Variants in NUP62CL observed in about 807,000 individuals in gnomAD.
NUP62CL encodes the protein nucleoporin 62 C-terminal like, also known as nucleoporin-62 C-terminal-like protein.
A neutral mutation model predicts 15.3 loss-of-function variants in NUP62CL; 13 were observed. The ratio of observed to expected loss-of-function variants is 0.85; its 90% confidence interval spans 0.55 to 1.35. NUP62CL has a LOEUF of 1.35. Among genes scored for constraint, NUP62CL ranks in the 40% most tolerant of loss-of-function variants. NUP62CL has a pLI of 0.00. For missense variants in NUP62CL, 123 were observed against 130.6 expected, an observed-to-expected ratio of 0.94 and a Z score of 0.28; for synonymous variants, 54 against 49.2, an observed-to-expected ratio of 1.10 and a Z score of -0.41.
intron 8 of NUP62CL, among the ~76,000 whole-genome samples, chrX:107,145,093 C>T (rs1026700893): frequency 4.5e-5 from 5 of 110,841 alleles, no homozygotes; most frequent in South Asian, 3.8e-4. Flanking sequence ...AATATTAAAG[C>T]GATATAGAAT....
intron 2 of NUP62CL, among the ~76,000 whole-genome samples, chrX:107,186,368 T>G (rs1385203374): frequency 8.9e-6 from 1 of 111,811 alleles, no homozygotes; most frequent in African/African-American, 3.2e-5. Flanking sequence ...GTTAAGCAAA[T>G]TAACATAGCC....
At chrX:107,130,939 A>G (rs1478281815) in intron 8 of NUP62CL, among the ~76,000 whole-genome samples, 1 of 111,487 alleles carries the variant, frequency 9.0e-6, no homozygotes, top group African/African-American at 3.3e-5. Flanking sequence ...GTGTGTGTGT[A>G]TATATGTATA....
At chrX:107,200,908 G>A (rs1387800152) in intron 1 of NUP62CL, among the ~76,000 whole-genome samples, 1 of 110,518 alleles carries the variant, frequency 9.0e-6, no homozygotes. Flanking sequence ...TGGAAAAGTA[G>A]AGCAAAAAAA....
Position 107,152,079 on chromosome X carries a change from GAT to G in NUP62CL, c.530+1091_530+1092del, listed in dbSNP as rs750141716. Among the ~76,000 whole-genome samples the G allele has an allele frequency of 8.9e-3, 333 of 37,339 alleles. 17 individuals are homozygous for G. Among genetic ancestry groups the G allele is most frequent in the African/African-American group, 0.043 (255 of 5,898 alleles). 32.4% of individuals were successfully genotyped at this position (37,339 alleles called of 115,157 possible). A position where few individuals can be genotyped will look rare whatever the true frequency, so the allele number is the denominator to read the frequency against. On this transcript the variant is annotated intron_variant, in intron 7 of 8. Transcript: ENST00000372466. Reference sequence around the variant, plus strand: ...ATATATATATATATATATATATTCAGATATATATATATATATTCAGATATATA... The same window carrying G: ...ATATATATATATATATATATATTCAGATATATATATATATTCAGATATATA...
intron 4 of NUP62CL, among the ~76,000 whole-genome samples, chrX:107,154,684 A>G (rs1926131678): frequency 9.0e-6 from 1 of 111,405 alleles, no homozygotes; most frequent in South Asian, 3.9e-4. Flanking sequence ...CTCACTGGGT[A>G]GAACCATGCA....
chrX:107,134,870 T>C (rs1466994275), intron 8 of NUP62CL, among the ~76,000 whole-genome samples: 4 of 111,835 alleles, frequency 3.6e-5, no homozygotes, highest in African/African-American at 1.3e-4. Flanking sequence ...AATGTCTACA[T>C]GACTTTTTAA....
intron 3 of NUP62CL, among the ~76,000 whole-genome samples, chrX:107,171,448 T>A (rs1926648300): frequency 9.0e-6 from 1 of 111,620 alleles, no homozygotes; most frequent in South Asian, 3.8e-4. Context: ...TGACTCACAG[T>A]TTCACATGGC....
At chrX:107,176,065 A>G (rs1926775485) in intron 2 of NUP62CL, among the ~76,000 whole-genome samples, 1 of 111,626 alleles carries the variant, frequency 9.0e-6, no homozygotes, top group Admixed American at 9.5e-5. Flanking sequence ...TCAGTACCCA[A>G]AGCACTGGCT....
At chrX:107,126,905 G>A (rs188004619) in intron 8 of NUP62CL, among the ~76,000 whole-genome samples, 1 of 110,648 alleles carries the variant, frequency 9.0e-6, no homozygotes, top group African/African-American at 3.3e-5. Flanking sequence ...GTGGTGGCAG[G>A]AGCCTGTAAT....
intron 1 of NUP62CL, among the ~76,000 whole-genome samples, chrX:107,199,775 A>C (rs186993882): frequency 2.7e-5 from 3 of 112,089 alleles, no homozygotes; most frequent in Non-Finnish European, 3.8e-5. Context: ...TGTTTAACAC[A>C]TCATTAATTA....
At chrX:107,169,991 C>G (rs1468791677) in intron 3 of NUP62CL, among the ~76,000 whole-genome samples, 1 of 110,145 alleles carries the variant, frequency 9.1e-6, no homozygotes, top group Non-Finnish European at 1.9e-5. Context: ...AGGTATATCA[C>G]TGGAGGTCAG....
chrX:107,162,702 G>T (rs914633336), intron 4 of NUP62CL, among the ~76,000 whole-genome samples: 3 of 111,984 alleles, frequency 2.7e-5, no homozygotes, highest in African/African-American at 9.7e-5. Context: ...TACCCTTGAA[G>T]ATTAAACAGA....
Position 107,154,108 on chromosome X carries a change from CTCAA to C in NUP62CL, c.329_332del (p.Ile110ArgfsTer5). 2.5e-6 allele frequency: 3 copies of C among 1,198,748 alleles called. No homozygotes were observed. The highest frequency in any genetic ancestry group is 3.4e-6 in the Non-Finnish European group (3 of 889,814). On this transcript the variant is annotated frameshift_variant, in exon 5 of 9. Transcript: ENST00000372466. LOFTEE classifies it high-confidence loss of function. ...AATATTTTCTTACCATCTCACCATT[CTCAA>C]TCAATGTATGGTCCCAAGCATTGAC...
intron 8 of NUP62CL, among the ~76,000 whole-genome samples, chrX:107,129,668 A>G (rs1925467568): frequency 8.9e-6 from 1 of 112,001 alleles, no homozygotes; most frequent in African/African-American, 3.2e-5. Context: ...ATTATCCTAT[A>G]GTAAGTTAAC....
chrX:107,179,898 C>T (rs1046636723), intron 2 of NUP62CL, among the ~76,000 whole-genome samples: 5 of 111,811 alleles, frequency 4.5e-5, no homozygotes, highest in African/African-American at 1.6e-4. Flanking sequence ...TCATATGTTG[C>T]AATAATTCCT....
intron 8 of NUP62CL, among the ~76,000 whole-genome samples, chrX:107,129,266 A>G (rs992185682): frequency 7.2e-5 from 8 of 111,646 alleles, no homozygotes; most frequent in Admixed American, 6.6e-4. Context: ...AGTGGAGCTA[A>G]AAACAGAATT....
chrX:107,156,057 T>C (rs1333318622), intron 4 of NUP62CL, among the ~76,000 whole-genome samples: 2 of 110,569 alleles, frequency 1.8e-5, no homozygotes, highest in South Asian at 4.0e-4. Flanking sequence ...CACCCGAATA[T>C]TGCGCTTTTC....
At position 107,202,974 on chromosome X, in the gene NUP62CL, C is replaced by CA. The variant is rs1172117650; in HGVS notation, c.-92+3298dup. 7.5e-3 allele frequency among the ~76,000 whole-genome samples: 404 copies of CA among 54,178 alleles called. 4 individuals carry two copies. Among genetic ancestry groups the CA allele is most frequent in the African/African-American group, 0.023 (329 of 14,239 alleles). The allele number at this position is 54,178 out of a possible 115,157, so 47.0% of individuals were successfully genotyped here. On this transcript the variant is annotated intron_variant, in intron 1 of 8. Transcript: ENST00000372466. ...GCTGGGCCGACAGAGCAGACCGTCT[C>CA]AAAAAAAAAAAAAAAAAAAGTACAT...
At chrX:107,178,063 C>A (rs1285568) in intron 2 of NUP62CL, among the ~76,000 whole-genome samples, 40,931 of 110,788 alleles carry the variant, frequency 0.37, 8,137 homozygotes, top group African/African-American at 0.77. Flanking sequence ...TGAGCTTTGA[C>A]AGCATGCTAA....
Sources: allele counts gnomAD v4.1 joint callset (sites outside exome capture counted in the v4.1 genomes callset), GRCh38; gene constraint gnomAD v4.1.1; transcripts MANE v1.5; gene names NCBI Gene and HGNC (gene_info 2026-07-23, HGNC 2026-07-21).